The following CSMD1 variants were observed in gnomAD, a reference collection of about 807,000 sequenced individuals.
The protein encoded by CSMD1 is CUB and sushi domain-containing protein 1.
Under a neutral mutation model 417.5 loss-of-function variants are expected in CSMD1, and 213 were observed. The observed-to-expected ratio is 0.51, with a 90% CI of 0.46 to 0.57. The LOEUF (loss-of-function observed/expected upper bound fraction) is 0.57. Ranked by LOEUF, CSMD1 falls within the 20% of genes least tolerant of loss-of-function variation. The pLI is 0.00. For synonymous variants in CSMD1, 2,862 were observed against 1,736.8 expected (o/e 1.65, Z -16.11); for missense variants, 6,923 against 4,529.7 (o/e 1.53, Z -15.17).
At chr8:4,670,763 A>G (rs916721452) in intron 1 of CSMD1, among the ~76,000 whole-genome samples, 1 of 152,212 alleles carries the variant, frequency 6.6e-6, no homozygotes, top group African/African-American at 2.4e-5. Flanking sequence ...CAAGTACACA[A>G]AAATTTATAA....
chr8:4,349,561 T>A (rs73175716), intron 3 of CSMD1, among the ~76,000 whole-genome samples: 1,772 of 152,270 alleles, frequency 0.012, 19 homozygotes, highest in Non-Finnish European at 0.018. Context: ...TTATATTAGG[T>A]GACATAGAAG....
chr8:2,977,566 A>T (rs1321825126), intron 55 of CSMD1, among the ~76,000 whole-genome samples: 1 of 152,234 alleles, frequency 6.6e-6, no homozygotes, highest in East Asian at 1.9e-4. Context: ...GAACATACAC[A>T]TGCATGTATC....
intron 4 of CSMD1, among the ~76,000 whole-genome samples, chr8:4,019,359 G>C (rs908052721): frequency 6.6e-6 from 1 of 152,148 alleles, no homozygotes; most frequent in Non-Finnish European, 1.5e-5. Flanking sequence ...TTTTGTGTCT[G>C]TTCCCATACA....
At chr8:3,004,193 C>T (rs76403372) in intron 52 of CSMD1, among the ~76,000 whole-genome samples, 3,596 of 152,264 alleles carry the variant, frequency 0.024, 145 homozygotes, top group African/African-American at 0.083. Flanking sequence ...GGACCTTACA[C>T]TATGATGCCA....
intron 1 of CSMD1, among the ~76,000 whole-genome samples, chr8:4,728,943 G>T (rs1205273176): frequency 3.3e-5 from 5 of 152,152 alleles, no homozygotes; most frequent in Non-Finnish European, 4.4e-5. Context: ...CCTGCCAGAC[G>T]TCCATGTGGA....
chr8:4,365,774 C>T (rs926237058), intron 3 of CSMD1, among the ~76,000 whole-genome samples: 3 of 152,162 alleles, frequency 2.0e-5, no homozygotes, highest in Non-Finnish European at 4.4e-5. Context: ...AATTTATAGT[C>T]AAGTCCTGAT....
At chr8:3,175,702 C>T (rs535984853) in intron 37 of CSMD1, among the ~76,000 whole-genome samples, 3 of 150,798 alleles carry the variant, frequency 2.0e-5, no homozygotes, top group Middle Eastern at 3.2e-3. Flanking sequence ...GACGTGGGAA[C>T]ATGGCTTCCA....
At chr8:4,095,027 T>C (rs1800927776) in intron 3 of CSMD1, among the ~76,000 whole-genome samples, 1 of 152,248 alleles carries the variant, frequency 6.6e-6, no homozygotes, top group East Asian at 1.9e-4. Flanking sequence ...GCAACAAAGA[T>C]CTTGAGAAAG....
At chr8:4,298,378 G>T (rs866396024) in intron 3 of CSMD1, among the ~76,000 whole-genome samples, 56 of 152,072 alleles carry the variant, frequency 3.7e-4, no homozygotes, top group Middle Eastern at 3.4e-3. Flanking sequence ...TTTATTTACT[G>T]TATTTGCTTT....
At chr8:4,208,198 G>A (rs1027821348) in intron 3 of CSMD1, among the ~76,000 whole-genome samples, 2 of 152,094 alleles carry the variant, frequency 1.3e-5, no homozygotes, top group Admixed American at 6.5e-5. Context: ...ACTCAGCTAT[G>A]GAACACAGAT....
At chr8:4,281,244 G>A (rs766935874) in intron 3 of CSMD1, among the ~76,000 whole-genome samples, 1 of 152,132 alleles carries the variant, frequency 6.6e-6, no homozygotes, top group Non-Finnish European at 1.5e-5. Flanking sequence ...TATGATCTCA[G>A]GGAATTAAAA....
At chr8:3,291,083 C>T (rs141501108) in intron 25 of CSMD1, among the ~76,000 whole-genome samples, 2 of 152,074 alleles carry the variant, frequency 1.3e-5, no homozygotes, top group Non-Finnish European at 2.9e-5. Flanking sequence ...TTGAGATAAT[C>T]ATGTGGTTTT....
At chr8:3,919,522 C>A (rs1002942762) in intron 5 of CSMD1, among the ~76,000 whole-genome samples, 2 of 152,100 alleles carry the variant, frequency 1.3e-5, no homozygotes, top group African/African-American at 2.4e-5. Flanking sequence ...TATCATACTG[C>A]TTTTATTACT....
intron 1 of CSMD1, among the ~76,000 whole-genome samples, chr8:4,971,147 C>T (rs575067390): frequency 6.6e-6 from 1 of 152,000 alleles, no homozygotes; most frequent in African/African-American, 2.4e-5. Flanking sequence ...GGGGTCCCTT[C>T]CAACTCTCAT....
chr8:4,080,992 C>T (rs1353730270), intron 3 of CSMD1, among the ~76,000 whole-genome samples: 2 of 152,138 alleles, frequency 1.3e-5, no homozygotes, highest in East Asian at 3.9e-4. Context: ...AGGCTTCACA[C>T]AGTATTCATC....
intron 12 of CSMD1, among the ~76,000 whole-genome samples, chr8:3,446,142 A>G (rs764652570): frequency 2.0e-5 from 3 of 152,228 alleles, no homozygotes; most frequent in Non-Finnish European, 4.4e-5. Flanking sequence ...TGACTGCAAG[A>G]AAGGAAATTG....
At position 3,947,333 on chromosome 8, in the gene CSMD1, T is replaced by C. The variant is rs943928525; in HGVS notation, c.818+50570A>G. Among the ~76,000 whole-genome samples the C allele has an allele frequency of 3.3e-5, 5 of 152,326 alleles. No individual in the cohort carries two copies. In the East Asian group the frequency reaches 5.8e-4, roughly 18 times the overall value. ...AGTCTGTTAAGATTATGAATTACAA[T>C]GATTTTCAAGAATGTTAAACCAATC... On this transcript the variant is annotated intron_variant, in intron 5 of 69. Transcript: ENST00000635120.
At chr8:4,174,051 G>T (rs976869084) in intron 3 of CSMD1, among the ~76,000 whole-genome samples, 1 of 152,142 alleles carries the variant, frequency 6.6e-6, no homozygotes, top group Non-Finnish European at 1.5e-5. Context: ...ATTGGTTTAG[G>T]CCTGGGCCAC....
chr8:4,338,016 T>G (rs1164427246), intron 3 of CSMD1, among the ~76,000 whole-genome samples: 1 of 152,102 alleles, frequency 6.6e-6, no homozygotes, highest in Non-Finnish European at 1.5e-5. Flanking sequence ...GTGTTCTGAG[T>G]GGAAATGCAA....
Sources: allele counts gnomAD v4.1 joint callset (sites outside exome capture counted in the v4.1 genomes callset), GRCh38; gene constraint gnomAD v4.1.1; transcripts MANE v1.5; gene names NCBI Gene and HGNC (gene_info 2026-07-23, HGNC 2026-07-21).